GRIN2A: variants seen among roughly 807,000 people sequenced by gnomAD.
GRIN2A encodes the protein glutamate receptor ionotropic, NMDA 2A.
In GRIN2A, 22 loss-of-function variants were observed where a neutral mutation model predicts 113.4. The observed-to-expected ratio is 0.19, with a 90% CI of 0.14 to 0.28. The LOEUF is 0.28. GRIN2A is among the 10% of genes least tolerant of loss of function. The pLI is 1.00. For missense variants in GRIN2A, 1,502 were observed against 1,887.0 expected (o/e 0.80, Z 3.78); for synonymous variants, 827 against 738.4 (o/e 1.12, Z -1.94).
chr16:9,790,158 G>T (rs868040590), intron 11 of GRIN2A, among the ~76,000 whole-genome samples: 2 of 152,290 alleles, frequency 1.3e-5, no homozygotes, highest in Middle Eastern at 3.4e-3. Flanking sequence ...TTTGGATGGG[G>T]CTGCTGACCA....
At chr16:9,995,910 G>A (rs1232986590) in intron 2 of GRIN2A, among the ~76,000 whole-genome samples, 2 of 149,818 alleles carry the variant, frequency 1.3e-5, no homozygotes, top group African/African-American at 4.9e-5. Context: ...GGGAGGTAGA[G>A]AAATAAACTA....
intron 10 of GRIN2A, among the ~76,000 whole-genome samples, chr16:9,820,006 C>G (rs1192680311): frequency 6.6e-6 from 1 of 151,686 alleles, no homozygotes; most frequent in African/African-American, 2.4e-5. Flanking sequence ...CAAAGCATCC[C>G]CCACATGGGA....
chr16:9,817,672 C>T (rs1411057627), intron 10 of GRIN2A, among the ~76,000 whole-genome samples: 1 of 152,228 alleles, frequency 6.6e-6, no homozygotes, highest in Non-Finnish European at 1.5e-5. Context: ...AGCTAATGCT[C>T]GAGTCCAGAC....
At chr16:9,785,478 T>G (rs1215232086) in intron 11 of GRIN2A, among the ~76,000 whole-genome samples, 1 of 148,312 alleles carries the variant, frequency 6.7e-6, no homozygotes. Flanking sequence ...TTAGGAGATA[T>G]ACCTAATGTT....
At chr16:10,088,849 G>C (rs2048132096) in intron 2 of GRIN2A, among the ~76,000 whole-genome samples, 1 of 152,186 alleles carries the variant, frequency 6.6e-6, no homozygotes, top group South Asian at 2.1e-4. Flanking sequence ...CACTCTTGTA[G>C]AGGACATGCT....
chr16:9,921,604 C>A (rs985416268), intron 3 of GRIN2A, among the ~76,000 whole-genome samples: 1 of 152,042 alleles, frequency 6.6e-6, no homozygotes, highest in African/African-American at 2.4e-5. Context: ...CTTAACATAC[C>A]ACCTAGATCA....
At chr16:9,953,493 C>A (rs569379151) in intron 2 of GRIN2A, among the ~76,000 whole-genome samples, 183 of 152,128 alleles carry the variant, frequency 1.2e-3, no homozygotes, top group African/African-American at 4.1e-3. Context: ...TTGAAACCTC[C>A]CTGCAGGGAG....
At chr16:9,841,356 A>G (rs2042675661) in intron 5 of GRIN2A, among the ~76,000 whole-genome samples, 1 of 152,236 alleles carries the variant, frequency 6.6e-6, no homozygotes, top group Non-Finnish European at 1.5e-5. Flanking sequence ...AAGGCTTCAT[A>G]CTAATTGTTG....
At chr16:10,068,075 G>T (rs1053709765) in intron 2 of GRIN2A, among the ~76,000 whole-genome samples, 1 of 152,266 alleles carries the variant, frequency 6.6e-6, no homozygotes, top group Non-Finnish European at 1.5e-5. Context: ...AATGCACATA[G>T]CAGCTGTTTC....
intron 9 of GRIN2A, among the ~76,000 whole-genome samples, chr16:9,823,141 C>T (rs1470164288): frequency 6.6e-6 from 1 of 152,166 alleles, no homozygotes; most frequent in Non-Finnish European, 1.5e-5. Context: ...CCATGCATCA[C>T]CAGTCTTCTC....
intron 4 of GRIN2A, among the ~76,000 whole-genome samples, chr16:9,867,670 C>T (rs2043183337): frequency 6.6e-6 from 1 of 152,196 alleles, no homozygotes; most frequent in South Asian, 2.1e-4. Flanking sequence ...TCACATCTTT[C>T]TTGAGTTCTC....
At chr16:9,798,531 G>A in intron 10 of GRIN2A, 67 bp from the exon 11 acceptor site, 1 of 1,211,660 alleles carries the variant, frequency 8.3e-7, no homozygotes, top group South Asian at 1.2e-5. Flanking sequence ...CAGCTCCTGA[G>A]GCCTGATCCT....
intron 2 of GRIN2A, among the ~76,000 whole-genome samples, chr16:10,163,186 G>C (rs968023741): frequency 6.6e-6 from 1 of 152,196 alleles, no homozygotes; most frequent in African/African-American, 2.4e-5. Context: ...GGAGTGGGCG[G>C]TGGCATGGAC....
chr16:10,007,128 C>T (rs2046417490), intron 2 of GRIN2A, among the ~76,000 whole-genome samples: 2 of 152,112 alleles, frequency 1.3e-5, no homozygotes, highest in African/African-American at 4.8e-5. Context: ...TACTGATTTC[C>T]CCTTCTTTGG....
Position 9,849,833 on chromosome 16 carries a change from G to T in GRIN2A, c.1251C>A (p.Val417=), listed in dbSNP as rs139329447. 57 of 1,614,026 alleles carry T rather than the reference G, an allele frequency of 3.5e-5. No individual in the cohort carries two copies. The South Asian group carries it at 5.9e-4, about 17-fold the overall frequency. Residue 417 remains valine, a synonymous_variant, in exon 5 of 13, where the codon GTC becomes GTA. Coordinates refer to ENST00000330684, the MANE Select transcript of GRIN2A (RefSeq NM_001134407.3). The stretch of plus-strand genomic sequence containing the variant: ...TCAGGGGGTCTATGTCTTCCACGAT[G>T]ACGAATGGGGCCTCCTCCAGGGTGA... ...SIVTLEEAPF[V]IVEDIDPLTE...
chr16:9,763,066 A>G lies in GRIN2A; in HGVS notation c.*83T>C, dbSNP rs1900657576. The G allele has an allele frequency of 1.2e-5, 16 of 1,363,166 alleles. No individual in the cohort carries two copies. The highest frequency in any genetic ancestry group is 1.6e-5 in the Non-Finnish European group (15 of 963,484). 84.4% of individuals were successfully genotyped at this position (1,363,166 alleles called of 1,614,324 possible). A position where few individuals can be genotyped will look rare whatever the true frequency, so the allele number is the denominator to read the frequency against. ...TACATCTTCTTCCTCTTAGCAGGGC[A>G]CTATTGGACATCCAACATTTACCCT... On this transcript the variant is annotated 3_prime_UTR_variant, in exon 13 of 13. Transcript: ENST00000330684.
chr16:9,947,102 G>T (rs1371634176), intron 2 of GRIN2A, among the ~76,000 whole-genome samples: 1 of 152,080 alleles, frequency 6.6e-6, no homozygotes, highest in Non-Finnish European at 1.5e-5. Flanking sequence ...CAAACTACAG[G>T]GTAGTGCATC....
chr16:9,769,219 T>G lies in GRIN2A; in HGVS notation c.2357-130A>C, dbSNP rs137991861. The G allele has an allele frequency of 2.3e-3, 1,705 of 749,436 alleles. 23 individuals carry two copies. The highest frequency in any genetic ancestry group is 2.7e-4 in the Non-Finnish European group (114 of 423,920). 46.4% of individuals were successfully genotyped at this position (749,436 alleles called of 1,614,324 possible). ...CCTTAAGACAAGTTTCTGAGTTTGCTGGGTTTCCATTTGCTCACTTCTTGA... is the reference window on the plus strand; with the variant it reads ...CCTTAAGACAAGTTTCTGAGTTTGCGGGGTTTCCATTTGCTCACTTCTTGA... On this transcript the variant is annotated intron_variant, in intron 11 of 12. Transcript: ENST00000330684.
intron 11 of GRIN2A, among the ~76,000 whole-genome samples, chr16:9,777,197 AC>A (rs1185277728): frequency 6.6e-6 from 1 of 152,110 alleles, no homozygotes; most frequent in African/African-American, 2.4e-5. Flanking sequence ...GTGACCCAAC[AC>A]CCATGTTGTT....
Sources: gnomAD v4.1 joint callset for allele counts (sites outside exome capture counted in the v4.1 genomes callset) on GRCh38, gnomAD v4.1.1 for gene constraint, MANE v1.5 for transcripts, NCBI Gene and HGNC (gene_info 2026-07-23, HGNC 2026-07-21) for gene names.